The following SATL1 variants were observed in gnomAD, a reference collection of about 807,000 sequenced individuals.
The protein encoded by SATL1 is spermidine/spermine N(1)-acetyltransferase-like protein 1.
A neutral mutation model predicts 51.8 loss-of-function variants in SATL1; 47 were observed. The ratio of observed to expected loss-of-function variants is 0.91; its 90% confidence interval spans 0.72 to 1.16. The LOEUF (loss-of-function observed/expected upper bound fraction) is 1.16, where lower values mean the gene tolerates loss of function less well. Among genes scored for constraint, SATL1 ranks in the 50% most tolerant of loss-of-function variants. SATL1 has a pLI of 0.00. For missense variants in SATL1, 520 were observed against 526.4 expected, an observed-to-expected ratio of 0.99 and a Z score of 0.12; for synonymous variants, 176 against 182.4, an observed-to-expected ratio of 0.97 and a Z score of 0.28.
intron 2 of SATL1, among the ~76,000 whole-genome samples, chrX:85,126,688 C>T: frequency 9.0e-6 from 1 of 110,985 alleles, no homozygotes. Context: ...GTAAAATTCT[C>T]AAGGAGCAGC....
chrX:85,176,704 A>T (rs1927088597), intron 2 of SATL1, among the ~76,000 whole-genome samples: 1 of 111,222 alleles, frequency 9.0e-6, no homozygotes, highest in African/African-American at 3.3e-5. Flanking sequence ...TACACAAGCA[A>T]CCGTAAAATT....
Position 85,213,972 on chromosome X carries a change from G to A in SATL1, c.-313+10233C>T, listed in dbSNP as rs187521840. 4.5e-5 allele frequency among the ~76,000 whole-genome samples: 5 copies of A among 111,094 alleles called. No individual in the cohort carries two copies. The East Asian group carries it at 8.5e-4, about 19-fold the overall frequency. On this transcript the variant is annotated intron_variant, in intron 2 of 7. Transcript: ENST00000644105. Reference sequence around the variant, plus strand: ...TGAGAATATAGAGGGGAAGCTGGCCGGTCTTAAATGTAGGTGGCTTCAGAA... The same window carrying A: ...TGAGAATATAGAGGGGAAGCTGGCCAGTCTTAAATGTAGGTGGCTTCAGAA...
At chrX:85,242,988 C>A in intron 1 of SATL1, among the ~76,000 whole-genome samples, 1 of 111,734 alleles carries the variant, frequency 8.9e-6, no homozygotes, top group East Asian at 2.8e-4. Flanking sequence ...TACTATCCGG[C>A]CCTTCATAGG....
chrX:85,174,468 GACC>G (rs1187901265), intron 2 of SATL1, among the ~76,000 whole-genome samples: 8 of 109,391 alleles, frequency 7.3e-5, no homozygotes, highest in African/African-American at 2.7e-4. Flanking sequence ...GATTACAGGT[GACC>G]ACCACCACAC....
intron 2 of SATL1, among the ~76,000 whole-genome samples, chrX:85,153,329 C>G (rs1263211366): frequency 9.0e-6 from 1 of 111,695 alleles, no homozygotes; most frequent in Admixed American, 9.6e-5. Context: ...AGGTATGGAA[C>G]TGGAAGCCTA....
chrX:85,096,609 G>A (rs1226375615), intron 4 of SATL1, among the ~76,000 whole-genome samples: 1 of 111,388 alleles, frequency 9.0e-6, no homozygotes, highest in Non-Finnish European at 1.9e-5. Flanking sequence ...TATAATGAAA[G>A]TCTCAAAACC....
chrX:85,138,102 T>C lies in SATL1; in HGVS notation c.-312-28822A>G, dbSNP rs770241703. Among the ~76,000 whole-genome samples, 109 of 112,673 alleles carry C rather than the reference T, an allele frequency of 9.7e-4. 1 individual carries two copies. The highest frequency in any genetic ancestry group is 3.2e-3 in the African/African-American group (100 of 31,083). Reference sequence around the variant, plus strand: ...ATCTTTAGCATATTAATCATGCTTATTTTAAATTTCCTGTCTGAAAATTCC... The same window carrying C: ...ATCTTTAGCATATTAATCATGCTTACTTTAAATTTCCTGTCTGAAAATTCC... On this transcript the variant is annotated intron_variant, in intron 2 of 7. Transcript: ENST00000644105.
intron 2 of SATL1, among the ~76,000 whole-genome samples, chrX:85,171,622 G>A (rs1926974587): frequency 9.0e-6 from 1 of 111,193 alleles, no homozygotes; most frequent in African/African-American, 3.3e-5. Flanking sequence ...CTCCTGAATC[G>A]AGTAGGTCAT....
intron 2 of SATL1, among the ~76,000 whole-genome samples, chrX:85,208,053 G>T (rs1602912854): frequency 9.1e-6 from 1 of 109,676 alleles, no homozygotes; most frequent in African/African-American, 3.3e-5. Context: ...CCCTCCCCCA[G>T]CTTCCAACCC....
chrX:85,165,062 C>T (rs1198403485), intron 2 of SATL1, among the ~76,000 whole-genome samples: 8 of 111,018 alleles, frequency 7.2e-5, no homozygotes, highest in East Asian at 5.7e-4. Flanking sequence ...GTTCTTTGAG[C>T]GTCTCGTGTT....
At position 85,184,851 on chromosome X, in the gene SATL1, T is replaced by C. The variant is rs373569068; in HGVS notation, c.-313+39354A>G. Among the ~76,000 whole-genome samples, 54 of 112,129 alleles carry C rather than the reference T, an allele frequency of 4.8e-4. No homozygotes were observed. The South Asian group carries it at 0.019, about 39-fold the overall frequency. ...CTGGTGCCTTATGTAGTTCATCTGGTGAAGTCTTGTTTACCTGAATGGTCT... is the reference window on the plus strand; with the variant it reads ...CTGGTGCCTTATGTAGTTCATCTGGCGAAGTCTTGTTTACCTGAATGGTCT... On this transcript the variant is annotated intron_variant, in intron 2 of 7. Coordinates refer to ENST00000644105, the MANE Select transcript of SATL1 (RefSeq NM_001367857.2).
At chrX:85,148,565 G>A (rs1278693741) in intron 2 of SATL1, among the ~76,000 whole-genome samples, 10 of 111,173 alleles carry the variant, frequency 9.0e-5, no homozygotes, top group African/African-American at 3.3e-4. Context: ...CAGCCAGAGA[G>A]AAAGGTCGGG....
chrX:85,214,800 C>T (rs1264551625), intron 2 of SATL1, among the ~76,000 whole-genome samples: 1 of 111,669 alleles, frequency 9.0e-6, no homozygotes, highest in East Asian at 2.8e-4. Flanking sequence ...CAAAACCCAG[C>T]AGAGCAGACA....
At chrX:85,198,762 CTT>C (rs1166351991) in intron 2 of SATL1, among the ~76,000 whole-genome samples, 2 of 110,879 alleles carry the variant, frequency 1.8e-5, no homozygotes, top group Non-Finnish European at 3.8e-5. Flanking sequence ...CAATAATACT[CTT>C]TTAGTTATTT....
At chrX:85,197,238 C>A (rs1360486817) in intron 2 of SATL1, among the ~76,000 whole-genome samples, 1 of 110,729 alleles carries the variant, frequency 9.0e-6, no homozygotes, top group African/African-American at 3.3e-5. Flanking sequence ...TTTAATTTTT[C>A]TGGGTACATA....
intron 2 of SATL1, among the ~76,000 whole-genome samples, chrX:85,129,092 CTTTGCTCTTT>C (rs1355902646): frequency 8.9e-6 from 1 of 111,845 alleles, no homozygotes; most frequent in Non-Finnish European, 1.9e-5. Context: ...ATGCCTCCAG[CTTTGCTCTTT>C]TGGCTTAGGA....
intron 2 of SATL1, chrX:85,208,872 C>A (rs1427052572): frequency 8.9e-6 from 1 of 111,807 alleles, no homozygotes; most frequent in African/African-American, 3.3e-5. Context: ...ATGGTAATTC[C>A]TTTTGCTGTG....
At chrX:85,106,305 G>A (rs1925038471) in intron 3 of SATL1, among the ~76,000 whole-genome samples, 1 of 111,179 alleles carries the variant, frequency 9.0e-6, no homozygotes, top group East Asian at 2.8e-4. Flanking sequence ...GCCATAAAAG[G>A]ATAGGTAACC....
Position 85,094,193 on chromosome X carries a change from G to T in SATL1, c.1811C>A (p.Thr604Lys). 1 of 1,188,710 alleles carries T rather than the reference G, an allele frequency of 8.4e-7. No homozygotes were observed. The highest frequency in any genetic ancestry group is 3.0e-5 in the East Asian group (1 of 33,720). ...LTVGFAMYYF[T>K]YDSWTGKVLY... ...TACCTTGCCAGTCCATGAGTCGTATGTAAAGTAGTACATGGCAAATCCAAC... is the reference window on the plus strand; with the variant it reads ...TACCTTGCCAGTCCATGAGTCGTATTTAAAGTAGTACATGGCAAATCCAAC... Residue 604 changes from threonine to lysine, a missense_variant, in exon 6 of 8, where the codon ACA becomes AAA. Physicochemically the swap from Thr to Lys is moderately conservative, Grantham distance 78. This residue lies in a region of SATL1 where 488 missense variants were observed against 474.3 expected (regional missense o/e 1.03). Coordinates refer to ENST00000644105, the MANE Select transcript of SATL1 (RefSeq NM_001367857.2).
Sources: allele counts gnomAD v4.1 joint callset (sites outside exome capture counted in the v4.1 genomes callset), GRCh38; gene constraint gnomAD v4.1.1; regional missense constraint gnomAD v4.1.1; transcripts MANE v1.5; gene names NCBI Gene and HGNC (gene_info 2026-07-23, HGNC 2026-07-21).